Variants in RCHY1 observed in about 807,000 individuals in gnomAD.
RCHY1 encodes ring finger and CHY zinc finger domain containing 1.
RCHY1 carries 21 observed loss-of-function variants against 41.6 expected under a neutral mutation model. That is an observed-to-expected ratio of 0.51 (90% CI 0.36 to 0.73). The LOEUF (loss-of-function observed/expected upper bound fraction) is 0.73, where lower values mean the gene tolerates loss of function less well. RCHY1 is among the 30% of genes least tolerant of loss of function. RCHY1 has a pLI of 0.00. For synonymous variants in RCHY1, 79 were observed against 102.9 expected (o/e 0.77, Z 1.41); for missense variants, 265 against 325.3 (o/e 0.81, Z 1.43).
chr4:75,500,654 G>A (rs894449988), intron 3 of RCHY1, among the ~76,000 whole-genome samples: 1 of 152,182 alleles, frequency 6.6e-6, no homozygotes, highest in South Asian at 2.1e-4. Flanking sequence ...ACCTCCAGAT[G>A]AGAGTCAGAT....
chr4:75,489,087 A>G (rs572746649), intron 8 of RCHY1, among the ~76,000 whole-genome samples: 1 of 152,116 alleles, frequency 6.6e-6, no homozygotes, highest in Non-Finnish European at 1.5e-5. Context: ...AACAAACAAA[A>G]AAAAAAAGTC....
rs1241393790 is a variant in RCHY1 at position 75,481,138 on chromosome 4, G to A, written c.*1400C>T. ...TGAAGGGAAAGAACATAAGAAGAGT[G>A]GAATACAGAAGACAAGAAGGTGGGA... On this transcript the variant is annotated 3_prime_UTR_variant, in exon 9 of 9. Transcript: ENST00000324439. The A allele has an allele frequency of 6.6e-6, 1 of 152,172 alleles. No individual in the cohort carries two copies. The highest frequency in any genetic ancestry group is 1.5e-5 in the Non-Finnish European group (1 of 68,034). The allele number at this position is 152,172 out of a possible 1,614,324, so 9.4% of individuals were successfully genotyped here.
At chr4:75,500,468 T>G (rs1723647109) in intron 3 of RCHY1, among the ~76,000 whole-genome samples, 1 of 152,252 alleles carries the variant, frequency 6.6e-6, no homozygotes, top group Non-Finnish European at 1.5e-5. Flanking sequence ...AAACCCCATC[T>G]TTAGGGCACA....
chr4:75,494,736 A>T (rs1723031047), intron 3 of RCHY1, among the ~76,000 whole-genome samples: 1 of 151,616 alleles, frequency 6.6e-6, no homozygotes, highest in Non-Finnish European at 1.5e-5. Context: ...CTGAGTCAGA[A>T]GATGTTGCAA....
intron 8 of RCHY1, among the ~76,000 whole-genome samples, chr4:75,488,430 T>A (rs538915676): frequency 3.3e-4 from 50 of 152,270 alleles, no homozygotes; most frequent in African/African-American, 1.2e-3. Context: ...CTCTCTTAAA[T>A]ATAGACTTCT....
At chr4:75,513,044 GAAT>G (rs1402121135) in intron 1 of RCHY1, among the ~76,000 whole-genome samples, 1 of 151,990 alleles carries the variant, frequency 6.6e-6, no homozygotes, top group Non-Finnish European at 1.5e-5. Flanking sequence ...AAGTTTGAAA[GAAT>G]AATAATACAT....
chr4:75,510,214 C>T (rs1044497215), intron 1 of RCHY1, among the ~76,000 whole-genome samples: 4 of 152,134 alleles, frequency 2.6e-5, no homozygotes, highest in African/African-American at 9.7e-5. Context: ...TGGCCACATG[C>T]CCTAAAACAT....
At chr4:75,485,128 G>A (rs1014320112) in intron 8 of RCHY1, among the ~76,000 whole-genome samples, 2 of 152,180 alleles carry the variant, frequency 1.3e-5, no homozygotes, top group African/African-American at 4.8e-5. Flanking sequence ...TAGGCCCTTA[G>A]GTAAAGCTGA....
intron 3 of RCHY1, among the ~76,000 whole-genome samples, chr4:75,504,770 T>C (rs184848577): frequency 3.3e-4 from 50 of 152,334 alleles, no homozygotes; most frequent in Non-Finnish European, 5.9e-4. Flanking sequence ...GTTTGCAGTG[T>C]TCAAATTCTT....
In RCHY1 at chr4:75,480,736, G is replaced by A. The variant is rs960210003; in HGVS notation, c.*1802C>T. On this transcript the variant is annotated 3_prime_UTR_variant, in exon 9 of 9. Transcript: ENST00000324439. ...GTAATACATCTGGACCAAGCACAGT[G>A]GCTCATGCCTGTAATCCTAGCCCTT... The A allele has an allele frequency of 6.6e-6, 1 of 152,184 alleles. No individual in the cohort carries two copies. The highest frequency in any genetic ancestry group is 2.4e-5 in the African/African-American group (1 of 41,430). The allele number at this position is 152,184 out of a possible 1,614,324, so 9.4% of individuals were successfully genotyped here. A position where few individuals can be genotyped will look rare whatever the true frequency, so the allele number is the denominator to read the frequency against.
intron 4 of RCHY1, among the ~76,000 whole-genome samples, chr4:75,493,178 C>CTTTTATCTTCAAAAAATTTATCTTCAAAA: frequency 6.6e-6 from 1 of 151,972 alleles, no homozygotes; most frequent in Admixed American, 6.6e-5. Flanking sequence ...CAAACTCAAT[C>CTTTTATCTTCAAAAAATTTATCTTCAAAA]TTTTATCTTC....
chr4:75,492,711 C>A (rs1722859229), intron 4 of RCHY1, among the ~76,000 whole-genome samples: 1 of 151,576 alleles, frequency 6.6e-6, no homozygotes. Flanking sequence ...ACAAAAAAAA[C>A]CATAACAAAA....
At position 75,491,924 on chromosome 4, in the gene RCHY1, T is replaced by A; in HGVS notation, c.415A>T (p.Asn139Tyr). Residue 139 changes from asparagine (N) to tyrosine (Y), a missense_variant, in exon 5 of 9, where the codon AAT becomes TAT. Physicochemically the swap from Asn to Tyr is moderately radical, Grantham distance 143. Coordinates refer to ENST00000324439, the MANE Select transcript of RCHY1 (RefSeq NM_015436.4). ...ATTGGACAATTCTGTCGGGACACAT[T>A]TTCAATACACTGTTTAAAAGAGAAA... ...NLQGRHKCIE[N>Y]VSRQNCPICL... The A allele has an allele frequency of 6.2e-7, 1 of 1,605,854 alleles. No individual in the cohort carries two copies. Among genetic ancestry groups the A allele is most frequent in the Non-Finnish European group, 8.5e-7 (1 of 1,176,730 alleles).
chr4:75,487,473 AATAT>A (rs1389119781), intron 8 of RCHY1, among the ~76,000 whole-genome samples: 1 of 138,774 alleles, frequency 7.2e-6, no homozygotes, highest in Middle Eastern at 3.5e-3. Context: ...ATATATTCAC[AATAT>A]ATATAGTCAT....
chr4:75,509,001 A>T, intron 2 of RCHY1, 66 bp from the exon 3 acceptor site: 2 of 1,268,956 alleles, frequency 1.6e-6, no homozygotes, highest in South Asian at 2.7e-5. Context: ...TTGAATATCT[A>T]GAACTTATGT....
chr4:75,480,331 A>T lies in RCHY1; in HGVS notation c.*2207T>A, dbSNP rs1030239104. On this transcript the variant is annotated 3_prime_UTR_variant, in exon 9 of 9. Transcript: ENST00000324439. ...ACCTAAAAAAATGAAAGGTTAATCT[A>T]TCAAATCATGAGCGCTTCAATGATA... The T allele has an allele frequency of 6.6e-6, 1 of 152,222 alleles. No homozygotes were observed. 9.4% of individuals were successfully genotyped at this position (152,222 alleles called of 1,614,324 possible). A position where few individuals can be genotyped will look rare whatever the true frequency, so the allele number is the denominator to read the frequency against.
intron 8 of RCHY1, among the ~76,000 whole-genome samples, chr4:75,488,118 G>T (rs1053241139): frequency 2.0e-5 from 3 of 151,220 alleles, no homozygotes; most frequent in African/African-American, 7.3e-5. Context: ...AATAAGAAAT[G>T]ATATTTAACC....
intron 8 of RCHY1, among the ~76,000 whole-genome samples, chr4:75,484,227 T>C (rs1271623762): frequency 6.6e-6 from 1 of 152,170 alleles, no homozygotes; most frequent in African/African-American, 2.4e-5. Context: ...GTTAGGCCCT[T>C]TGTGTCCACT....
At chr4:75,510,653 A>G (rs1206105000) in intron 1 of RCHY1, among the ~76,000 whole-genome samples, 1 of 152,178 alleles carries the variant, frequency 6.6e-6, no homozygotes, top group Non-Finnish European at 1.5e-5. Context: ...TGGTCTCAGG[A>G]TCCCTTCACA....
Sources: gnomAD v4.1 joint callset for allele counts (sites outside exome capture counted in the v4.1 genomes callset) on GRCh38, gnomAD v4.1.1 for gene constraint, MANE v1.5 for transcripts, NCBI Gene and HGNC (gene_info 2026-07-23, HGNC 2026-07-21) for gene names.